The following ANXA4 variants were observed in gnomAD, a reference collection of about 807,000 sequenced individuals.
ANXA4 encodes annexin A4, also known as 35-beta calcimedin.
ANXA4 carries 39 observed loss-of-function variants against 49.8 expected under a neutral mutation model. The ratio of observed to expected loss-of-function variants is 0.78; its 90% confidence interval spans 0.61 to 1.02. The LOEUF is 1.02. Among genes scored for constraint, ANXA4 ranks in the 50% least tolerant of loss-of-function variants. The probability of loss-of-function intolerance (pLI) is 0.00; values close to 1 mark genes in which losing one functional copy is unlikely to be tolerated. For synonymous variants in ANXA4, 134 were observed against 152.5 expected (o/e 0.88, Z 0.89); for missense variants, 360 against 410.1 (o/e 0.88, Z 1.05).
intron 9 of ANXA4, chr2:69,817,530 T>G (rs1558525813): frequency 6.6e-6 from 1 of 152,176 alleles, no homozygotes; most frequent in Non-Finnish European, 1.5e-5. Context: ...CTGACTTCAA[T>G]TTAAGTAAGA....
At chr2:69,652,868 G>GAA (rs1481664024) in intron 1 of ANXA4, 1 of 152,108 alleles carries the variant, frequency 6.6e-6, no homozygotes, top group Non-Finnish European at 1.5e-5. Flanking sequence ...CCCACAAAAA[G>GAA]GAAAGAATTT....
chr2:69,781,437 C>T, intron 1 of ANXA4, 83 bp from the exon 2 acceptor site: 2 of 1,164,106 alleles, frequency 1.7e-6, no homozygotes, highest in Non-Finnish European at 2.5e-6. Context: ...GGCTTAGCTT[C>T]ATGCAAACTG....
intron 1 of ANXA4, among the ~76,000 whole-genome samples, chr2:69,756,229 C>A (rs911293786): frequency 6.6e-6 from 1 of 152,180 alleles, no homozygotes; most frequent in Non-Finnish European, 1.5e-5. Flanking sequence ...ACCAGCCCAG[C>A]TTTCTTTAAT....
intron 1 of ANXA4, among the ~76,000 whole-genome samples, chr2:69,778,775 CAAAAAAAAAAAAAAAA>C (rs58688910): frequency 2.7e-5 from 1 of 36,550 alleles, no homozygotes; most frequent in African/African-American, 9.5e-5. Context: ...AACTCTGTCT[CAAAAAAAAAAAAAAAA>C]AAAAAAAAAA....
Position 69,807,956 on chromosome 2 carries a change from C to T in ANXA4, c.357C>T (p.Thr119=). The change falls in exon 6 of 13, where the codon ACC becomes ACT. Residue 119 remains threonine (T), a synonymous_variant. Coordinates refer to ENST00000394295, the MANE Select transcript of ANXA4 (RefSeq NM_001153.5). ...TAATTGAGATCCTGGCCTCCCGGAC[C>T]CCTGAGGAGATCCGGCGCATAAGCC... ...GCLIEILASR[T]PEEIRRISQT... The T allele has an allele frequency of 1.2e-6, 2 of 1,614,148 alleles. No individual in the cohort carries two copies. Among genetic ancestry groups the T allele is most frequent in the Non-Finnish European group, 1.7e-6 (2 of 1,180,020 alleles).
chr2:69,787,249 TC>T (rs1672457808), intron 2 of ANXA4, among the ~76,000 whole-genome samples: 1 of 152,204 alleles, frequency 6.6e-6, no homozygotes, highest in African/African-American at 2.4e-5. Flanking sequence ...CTCATAAATG[TC>T]TTTTGCTTTT....
At chr2:69,673,655 TA>T (rs886612987) in intron 2 of ANXA4, among the ~76,000 whole-genome samples, 2 of 137,104 alleles carry the variant, frequency 1.5e-5, no homozygotes, top group Non-Finnish European at 3.2e-5. Flanking sequence ...TAAAGTATAT[TA>T]AAAAAAAAGA....
chr2:69,714,927 G>A (rs973765974), intron 2 of ANXA4, among the ~76,000 whole-genome samples: 1 of 152,142 alleles, frequency 6.6e-6, no homozygotes, highest in Admixed American at 6.5e-5. Flanking sequence ...CTCCCTCCAG[G>A]GTGACACAGT....
chr2:69,721,781 C>T (rs1669817991), intron 3 of ANXA4, among the ~76,000 whole-genome samples: 2 of 152,128 alleles, frequency 1.3e-5, no homozygotes, highest in Admixed American at 1.3e-4. Context: ...AAGACCTCCC[C>T]CAGTCTCCTC....
intron 2 of ANXA4, among the ~76,000 whole-genome samples, chr2:69,661,081 G>A (rs1676699667): frequency 6.6e-6 from 1 of 151,996 alleles, no homozygotes; most frequent in African/African-American, 2.4e-5. Flanking sequence ...TTAGACAGAA[G>A]ACTTCTCATG....
At chr2:69,736,313 C>A (rs1444733480) in intron 3 of ANXA4, among the ~76,000 whole-genome samples, 3 of 152,168 alleles carry the variant, frequency 2.0e-5, no homozygotes, top group African/African-American at 7.2e-5. Flanking sequence ...AAGTTTAATG[C>A]AACTTGTAGA....
intron 3 of ANXA4, among the ~76,000 whole-genome samples, chr2:69,723,741 G>C (rs1669883150): frequency 6.6e-6 from 1 of 152,090 alleles, no homozygotes; most frequent in African/African-American, 2.4e-5. Context: ...ATAGAGACAG[G>C]GTCTTGCTAT....
intron 2 of ANXA4, among the ~76,000 whole-genome samples, chr2:69,705,358 T>C (rs1167688631): frequency 6.6e-6 from 1 of 152,126 alleles, no homozygotes; most frequent in Non-Finnish European, 1.5e-5. Flanking sequence ...TTATAGGGCT[T>C]CCTTTTTATT....
chr2:69,719,376 T>C (rs929233701), intron 2 of ANXA4, among the ~76,000 whole-genome samples: 2 of 151,018 alleles, frequency 1.3e-5, no homozygotes, highest in African/African-American at 2.4e-5. Flanking sequence ...AGCCTCCTGC[T>C]TTCAGCCTCC....
At chr2:69,678,859 CTGT>C (rs1677500589) in intron 2 of ANXA4, among the ~76,000 whole-genome samples, 1 of 152,012 alleles carries the variant, frequency 6.6e-6, no homozygotes, top group Admixed American at 6.6e-5. Context: ...AAAAAGTTGT[CTGT>C]TGTTTTAATT....
In ANXA4 at chr2:69,652,222, C is replaced by T. The variant is rs571071074; in HGVS notation, n.482-776C>T. Among the ~76,000 whole-genome samples, 5 of 151,814 alleles carry T rather than the reference C, an allele frequency of 3.3e-5. No individual in the cohort carries two copies. In the South Asian group the frequency reaches 1.0e-3, roughly 32 times the overall value. Reference sequence around the variant, plus strand: ...GGTTTTGCCATGTTGGCAAGCCTGGCCTCGAACTCCTCACCTCAAATGATC... The same window carrying T: ...GGTTTTGCCATGTTGGCAAGCCTGGTCTCGAACTCCTCACCTCAAATGATC... On this transcript the variant is annotated intron_variant and non_coding_transcript_variant, in intron 1 of 3. Transcript: ENST00000418066.
chr2:69,712,308 C>T (rs548307168), intron 2 of ANXA4, among the ~76,000 whole-genome samples: 2 of 152,282 alleles, frequency 1.3e-5, no homozygotes, highest in East Asian at 1.9e-4. Context: ...TGCCTTAAAG[C>T]GCATTAGTTA....
intron 2 of ANXA4, among the ~76,000 whole-genome samples, chr2:69,706,181 T>G (rs889893382): frequency 6.6e-6 from 1 of 151,684 alleles, no homozygotes; most frequent in Admixed American, 6.6e-5. Flanking sequence ...TTGGTTTGTT[T>G]GTTAAATCAG....
In ANXA4 at chr2:69,774,340, C is replaced by CTTT. The variant is rs869296678; in HGVS notation, c.-46-7167_-46-7165dup. ...TATGTAAAAGGAGCCCCCCCCCCCC[C>CTTT]TTTTTTTTTTTTTTTGAGACAGAGT... On this transcript the variant is annotated intron_variant, in intron 1 of 12. Coordinates refer to ENST00000394295, the MANE Select transcript of ANXA4 (RefSeq NM_001153.5). Among the ~76,000 whole-genome samples the CTTT allele has an allele frequency of 6.3e-4, 32 of 50,816 alleles. 1 individual carries two copies. Among genetic ancestry groups the CTTT allele is most frequent in the Admixed American group, 1.7e-3 (8 of 4,588 alleles). The allele number at this position is 50,816 out of a possible 152,430, so 33.3% of individuals were successfully genotyped here. A position where few individuals can be genotyped will look rare whatever the true frequency, so the allele number is the denominator to read the frequency against.
Sources: gnomAD v4.1 joint callset for allele counts (sites outside exome capture counted in the v4.1 genomes callset) on GRCh38, gnomAD v4.1.1 for gene constraint, MANE v1.5 for transcripts, NCBI Gene and HGNC (gene_info 2026-07-23, HGNC 2026-07-21) for gene names.